Variants in EEFSEC observed in about 807,000 individuals in gnomAD.
EEFSEC encodes the protein selenocysteine-specific elongation factor.
Under a neutral mutation model 42.1 loss-of-function variants are expected in EEFSEC, and 43 were observed. That is an observed-to-expected ratio of 1.02 (90% CI 0.80 to 1.32). The LOEUF is 1.32. Among genes scored for constraint, EEFSEC ranks in the 40% most tolerant of loss-of-function variants. The pLI, the probability that EEFSEC is intolerant of heterozygous loss-of-function variation, is 0.00. For synonymous variants in EEFSEC, 354 were observed against 339.1 expected, an observed-to-expected ratio of 1.04 and a Z score of -0.48; for missense variants, 745 against 803.6, an observed-to-expected ratio of 0.93 and a Z score of 0.88.
At chr3:128,211,156 A>T (rs1449628050) in intron 1 of EEFSEC, among the ~76,000 whole-genome samples, 1 of 152,230 alleles carries the variant, frequency 6.6e-6, no homozygotes, top group African/African-American at 2.4e-5. Context: ...GTCTTAGCCC[A>T]AGGTATACTA....
chr3:128,264,586 A>G (rs987125505), intron 3 of EEFSEC, 31 bp from the exon 4 acceptor site: 4 of 1,609,116 alleles, frequency 2.5e-6, no homozygotes, highest in Non-Finnish European at 2.5e-6. Context: ...TCCTCTCCCC[A>G]CGGACTGTGG....
At position 128,223,627 on chromosome 3, in the gene EEFSEC, CGTT is replaced by C. The variant is rs2065881426; in HGVS notation, c.317-23207_317-23205del. On this transcript the variant is annotated intron_variant, in intron 1 of 6. Coordinates refer to ENST00000254730, the MANE Select transcript of EEFSEC (RefSeq NM_021937.5). Reference sequence around the variant, plus strand: ...TACAAAAGAGTGTACCTTTAAGTAACGTTGACACCACTGGGCTTCAGTATCCTT... The same window carrying C: ...TACAAAAGAGTGTACCTTTAAGTAACGACACCACTGGGCTTCAGTATCCTT... Among the ~76,000 whole-genome samples the C allele has an allele frequency of 2.6e-5, 4 of 152,250 alleles. 1 individual carries two copies. The South Asian group carries it at 6.2e-4, about 24-fold the overall frequency.
At chr3:128,204,702 G>A (rs1171207800) in intron 1 of EEFSEC, among the ~76,000 whole-genome samples, 2 of 152,154 alleles carry the variant, frequency 1.3e-5, no homozygotes, top group Non-Finnish European at 2.9e-5. Flanking sequence ...CAGGATGTGT[G>A]TTGGTTCCCT....
chr3:128,422,446 C>G, the EEFSEC span, among the ~76,000 whole-genome samples: 1 of 152,186 alleles, frequency 6.6e-6, no homozygotes. Flanking sequence ...AGGTCCTGGC[C>G]TTCTGGGGTA....
intron 4 of EEFSEC, among the ~76,000 whole-genome samples, chr3:128,290,949 A>G (rs754831396): frequency 7.2e-5 from 11 of 151,856 alleles, no homozygotes; most frequent in Admixed American, 3.3e-4. Context: ...GGGTTTCGCC[A>G]TATTGGCCAT....
chr3:128,186,896 T>G (rs758728165), intron 1 of EEFSEC, among the ~76,000 whole-genome samples: 2 of 152,190 alleles, frequency 1.3e-5, no homozygotes, highest in Non-Finnish European at 2.9e-5. Context: ...GGGCTGTTTC[T>G]CCAACTCCTC....
chr3:128,173,899 T>C (rs973419242), intron 1 of EEFSEC, among the ~76,000 whole-genome samples: 1 of 152,134 alleles, frequency 6.6e-6, no homozygotes, highest in African/African-American at 2.4e-5. Context: ...TGTGTGGCCT[T>C]GTGTGTACAG....
rs1944294296 is a variant in EEFSEC, at chr3:128,153,563, GC to G, written c.57del (p.Lys20ArgfsTer8). 3 of 1,535,882 alleles carry G rather than the reference GC, an allele frequency of 2.0e-6. No homozygotes were observed. The highest frequency in any genetic ancestry group is 2.6e-6 in the Non-Finnish European group (3 of 1,147,914). On this transcript the variant is annotated frameshift_variant, in exon 1 of 7. Coordinates refer to ENST00000254730, the MANE Select transcript of EEFSEC (RefSeq NM_021937.5). LOFTEE classifies it high-confidence loss of function. ...NVGVLGHIDS[G>X]KTALARALST... Reference sequence around the variant, plus strand: ...GGCGTGCTGGGCCACATCGACAGCGGCAAGACGGCGCTGGCGCGGGCGCTAA... The same window carrying G: ...GGCGTGCTGGGCCACATCGACAGCGGAAGACGGCGCTGGCGCGGGCGCTAA...
At chr3:128,411,863 A>C (rs551695380), downstream of EEFSEC, among the ~76,000 whole-genome samples, 4 of 152,208 alleles carry the variant, frequency 2.6e-5, no homozygotes, top group African/African-American at 7.2e-5. Context: ...TGCCCTGGCC[A>C]TGCATGTGCA....
intron 6 of EEFSEC, among the ~76,000 whole-genome samples, chr3:128,392,665 C>CA (rs1429071304): frequency 6.6e-6 from 1 of 152,242 alleles, no homozygotes; most frequent in African/African-American, 2.4e-5. Context: ...GGCTGCCCCT[C>CA]ACGCCAAGCT....
At chr3:128,298,412 T>C (rs568344704) in intron 4 of EEFSEC, among the ~76,000 whole-genome samples, 24 of 152,336 alleles carry the variant, frequency 1.6e-4, no homozygotes, top group African/African-American at 5.8e-4. Flanking sequence ...CCTCCCAAAG[T>C]GCTAGGATTA....
chr3:128,408,276 C>T lies in EEFSEC; in HGVS notation c.*17C>T, dbSNP rs1174518908. 6.5e-7 allele frequency: 1 copy of T among 1,540,876 alleles called. No individual in the cohort carries two copies. Among genetic ancestry groups the T allele is most frequent in the Admixed American group, 1.9e-5 (1 of 53,158 alleles). On this transcript the variant is annotated 3_prime_UTR_variant, in exon 7 of 7. Transcript: ENST00000254730. ...TCTCCCTGAGTGTCCGGTGACCTCC[C>T]CCAGGGCCTCCTTGCCCAGCCCAGT...
rs752758134 is a variant in EEFSEC at position 128,285,358 on chromosome 3, GT to G, written c.786+20578del. Among the ~76,000 whole-genome samples the G allele has an allele frequency of 5.3e-5, 8 of 152,278 alleles. No individual in the cohort carries two copies. The East Asian group carries it at 1.5e-3, about 29-fold the overall frequency. On this transcript the variant is annotated intron_variant, in intron 4 of 6. Coordinates refer to ENST00000254730, the MANE Select transcript of EEFSEC (RefSeq NM_021937.5). The stretch of plus-strand genomic sequence containing the variant: ...TGCTGTCAGAGCCAGAGTCGAGAGT[GT>G]CCCCCTGGGTGCTCACACTGTGGGG...
rs145500175 is a variant in EEFSEC, at chr3:128,217,227, G to A, written c.317-29609G>A. ...CAGCAATAGGGCGAGATAGGATGGA[G>A]AGTAATGTAATCCTCATCCCTCACT... On this transcript the variant is annotated intron_variant, in intron 1 of 6. Transcript: ENST00000254730. Among the ~76,000 whole-genome samples the A allele has an allele frequency of 2.6e-3, 392 of 152,298 alleles. 3 individuals are homozygous for A. The highest frequency in any genetic ancestry group is 4.7e-3 in the Non-Finnish European group (322 of 68,008).
intron 1 of EEFSEC, among the ~76,000 whole-genome samples, chr3:128,242,579 CT>C (rs1399369724): frequency 6.6e-5 from 10 of 151,816 alleles, no homozygotes; most frequent in African/African-American, 2.4e-4. Flanking sequence ...ATATTTTTTT[CT>C]GAACATATTT....
intron 6 of EEFSEC, among the ~76,000 whole-genome samples, chr3:128,391,747 C>T (rs1031367145): frequency 1.3e-4 from 20 of 152,260 alleles, no homozygotes; most frequent in African/African-American, 4.1e-4. Flanking sequence ...CTGTGGACTC[C>T]ACCAGCATAG....
At chr3:128,194,570 A>G (rs2065561783) in intron 1 of EEFSEC, among the ~76,000 whole-genome samples, 1 of 152,256 alleles carries the variant, frequency 6.6e-6, no homozygotes, top group African/African-American at 2.4e-5. Flanking sequence ...GAATAATCTG[A>G]AATGAGCCAG....
chr3:128,190,738 G>T (rs1304302213), intron 1 of EEFSEC, among the ~76,000 whole-genome samples: 1 of 152,140 alleles, frequency 6.6e-6, no homozygotes, highest in Non-Finnish European at 1.5e-5. Context: ...ACACCTTCCA[G>T]TCCTGTAAGC....
chr3:128,332,375 A>G (rs1325704065), intron 4 of EEFSEC, among the ~76,000 whole-genome samples: 1 of 152,214 alleles, frequency 6.6e-6, no homozygotes, highest in East Asian at 1.9e-4. Flanking sequence ...ATTGTTTTGG[A>G]TTTTGGAATA....
Sources: gnomAD v4.1 joint callset for allele counts (sites outside exome capture counted in the v4.1 genomes callset) on GRCh38, gnomAD v4.1.1 for gene constraint, MANE v1.5 for transcripts, NCBI Gene and HGNC (gene_info 2026-07-23, HGNC 2026-07-21) for gene names.